Variants in ITGBL1 observed in about 807,000 individuals in gnomAD.
The protein encoded by ITGBL1 is integrin beta-like protein 1.
ITGBL1 carries 51 observed loss-of-function variants against 68.5 expected under a neutral mutation model. That is an observed-to-expected ratio of 0.74 (90% CI 0.59 to 0.94). ITGBL1 has a LOEUF of 0.94. ITGBL1 is among the 40% of genes least tolerant of loss of function. The pLI, the probability that ITGBL1 is intolerant of heterozygous loss-of-function variation, is 0.00. For missense variants in ITGBL1, 649 were observed against 647.4 expected, an observed-to-expected ratio of 1.00 and a Z score of -0.03; for synonymous variants, 209 against 227.3, an observed-to-expected ratio of 0.92 and a Z score of 0.72.
chr13:101,500,187 C>A (rs2048917675), intron 2 of ITGBL1, among the ~76,000 whole-genome samples: 1 of 152,024 alleles, frequency 6.6e-6, no homozygotes, highest in Admixed American at 6.6e-5. Flanking sequence ...ATTGCCTGCT[C>A]CAACAAGCCA....
intron 7 of ITGBL1, among the ~76,000 whole-genome samples, chr13:101,664,501 A>AT (rs779364634): frequency 1.6e-4 from 25 of 152,214 alleles, no homozygotes; most frequent in Non-Finnish European, 2.8e-4. Context: ...AATTATACTT[A>AT]TTTTTTATTT....
rs193275000 is a variant in ITGBL1 at position 101,528,703 on chromosome 13, C to G, written c.317-38996C>G. ...TATATAATGAATGTTCTGTCAAAGTCGTTAAGTAGTTCTTAAAATGAAATT... is the reference window on the plus strand; with the variant it reads ...TATATAATGAATGTTCTGTCAAAGTGGTTAAGTAGTTCTTAAAATGAAATT... On this transcript the variant is annotated intron_variant, in intron 2 of 10. Transcript: ENST00000376180. Among the ~76,000 whole-genome samples, 284 of 151,948 alleles carry G rather than the reference C, an allele frequency of 1.9e-3. 1 individual carries two copies. Among genetic ancestry groups the G allele is most frequent in the African/African-American group, 6.1e-3 (255 of 41,492 alleles).
intron 7 of ITGBL1, among the ~76,000 whole-genome samples, chr13:101,655,035 G>A (rs186043187): frequency 7.2e-5 from 11 of 152,278 alleles, no homozygotes; most frequent in Admixed American, 7.2e-4. Context: ...GGGGCCACGA[G>A]GAATAGATCA....
At chr13:101,460,038 C>G (rs573515081) in intron 2 of ITGBL1, among the ~76,000 whole-genome samples, 1 of 152,132 alleles carries the variant, frequency 6.6e-6, no homozygotes, top group East Asian at 1.9e-4. Context: ...GATTGTTGAA[C>G]GATCTCCCTC....
At chr13:101,601,058 C>T (rs925686535) in intron 7 of ITGBL1, among the ~76,000 whole-genome samples, 1 of 152,264 alleles carries the variant, frequency 6.6e-6, no homozygotes, top group African/African-American at 2.4e-5. Flanking sequence ...GCTGTGAATC[C>T]ATCTAGTCGT....
intron 7 of ITGBL1, among the ~76,000 whole-genome samples, chr13:101,679,551 T>TCC (rs2033591340): frequency 3.9e-5 from 6 of 152,358 alleles, no homozygotes; most frequent in African/African-American, 1.4e-4. Context: ...ACTACACTGG[T>TCC]TAAGAACTTC....
intron 7 of ITGBL1, among the ~76,000 whole-genome samples, chr13:101,631,721 T>C (rs866681849): frequency 1.3e-4 from 20 of 152,182 alleles, no homozygotes; most frequent in African/African-American, 4.8e-4. Context: ...TTTTGCTCCA[T>C]TATTTTATAG....
At chr13:101,531,616 A>T (rs4771402) in intron 2 of ITGBL1, among the ~76,000 whole-genome samples, 3 of 110,240 alleles carry the variant, frequency 2.7e-5, no homozygotes, top group Non-Finnish European at 6.0e-5. Context: ...TTTTGGGGGG[A>T]GGGGATTTAC....
At chr13:101,652,196 C>T (rs919304564) in intron 7 of ITGBL1, among the ~76,000 whole-genome samples, 1 of 152,150 alleles carries the variant, frequency 6.6e-6, no homozygotes, top group Non-Finnish European at 1.5e-5. Context: ...GGCTAGAGTG[C>T]AGTGGTGCAT....
chr13:101,601,697 A>C (rs552835555), intron 7 of ITGBL1, among the ~76,000 whole-genome samples: 2 of 152,312 alleles, frequency 1.3e-5, no homozygotes, highest in South Asian at 2.1e-4. Flanking sequence ...TTATGTACCC[A>C]GTATTCATTC....
chr13:101,696,052 C>T (rs1341386008), intron 8 of ITGBL1, among the ~76,000 whole-genome samples: 2 of 152,174 alleles, frequency 1.3e-5, no homozygotes, highest in Non-Finnish European at 2.9e-5. Flanking sequence ...CCAGAAAAGC[C>T]TCAACATCTG....
chr13:101,689,924 C>T (rs902167776), intron 7 of ITGBL1, among the ~76,000 whole-genome samples: 1 of 152,130 alleles, frequency 6.6e-6, no homozygotes, highest in African/African-American at 2.4e-5. Context: ...CTGTAGTCAT[C>T]CTATTGTGCT....
rs755640254 is a variant in ITGBL1 at position 101,692,704 on chromosome 13, A to G, written c.1132+3A>G. 2.5e-6 allele frequency: 4 copies of G among 1,595,186 alleles called. No individual in the cohort carries two copies. Among genetic ancestry groups the G allele is most frequent in the East Asian group, 2.2e-5 (1 of 44,796 alleles). ...CCTCGATGGTGTGGTCTGTGGAGGTAGTAACCTTTCTCATAGCTGTATGCT... is the reference window on the plus strand; with the variant it reads ...CCTCGATGGTGTGGTCTGTGGAGGTGGTAACCTTTCTCATAGCTGTATGCT... On this transcript the variant is annotated splice_donor_region_variant and intron_variant, in intron 8 of 10. Coordinates refer to ENST00000376180, the MANE Select transcript of ITGBL1 (RefSeq NM_004791.3).
intron 2 of ITGBL1, among the ~76,000 whole-genome samples, chr13:101,454,554 T>A (rs1326378847): frequency 2.0e-5 from 3 of 152,078 alleles, no homozygotes; most frequent in Non-Finnish European, 4.4e-5. Context: ...TAGACTAAAT[T>A]CCCCAATGTC....
intron 7 of ITGBL1, among the ~76,000 whole-genome samples, chr13:101,623,549 T>C (rs2031666517): frequency 6.6e-6 from 1 of 152,232 alleles, no homozygotes; most frequent in Non-Finnish European, 1.5e-5. Context: ...CCTTCATGTA[T>C]GGCTCCCATA....
At chr13:101,630,485 G>C (rs1199848328) in intron 7 of ITGBL1, among the ~76,000 whole-genome samples, 1 of 152,142 alleles carries the variant, frequency 6.6e-6, no homozygotes, top group African/African-American at 2.4e-5. Context: ...AGCATGGTAA[G>C]TTGTTTCTAA....
At chr13:101,545,997 A>G (rs1278919972) in intron 2 of ITGBL1, among the ~76,000 whole-genome samples, 1 of 152,240 alleles carries the variant, frequency 6.6e-6, no homozygotes, top group Admixed American at 6.5e-5. Flanking sequence ...AAGGTGAAAA[A>G]GAATGAAATA....
At chr13:101,680,309 G>A (rs1233066376) in intron 7 of ITGBL1, among the ~76,000 whole-genome samples, 1 of 152,128 alleles carries the variant, frequency 6.6e-6, no homozygotes, top group African/African-American at 2.4e-5. Flanking sequence ...TATTTTAGGC[G>A]AAGAAGGACT....
At chr13:101,665,171 T>C (rs998957513) in intron 7 of ITGBL1, among the ~76,000 whole-genome samples, 1 of 152,208 alleles carries the variant, frequency 6.6e-6, no homozygotes, top group East Asian at 1.9e-4. Context: ...TAGAATAAAC[T>C]TGTGAATTTT....
Sources: gnomAD v4.1 joint callset for allele counts (sites outside exome capture counted in the v4.1 genomes callset) on GRCh38, gnomAD v4.1.1 for gene constraint, MANE v1.5 for transcripts, NCBI Gene and HGNC (gene_info 2026-07-23, HGNC 2026-07-21) for gene names.